Variants in CNTNAP4 observed in about 807,000 individuals in gnomAD.
CNTNAP4 encodes the protein contactin associated protein family member 4, also known as contactin-associated protein-like 4.
In CNTNAP4, 98 loss-of-function variants were observed where a neutral mutation model predicts 148.4. That is an observed-to-expected ratio of 0.66 (90% CI 0.56 to 0.78). The LOEUF is 0.78. Among genes scored for constraint, CNTNAP4 ranks in the 30% least tolerant of loss-of-function variants. The probability of loss-of-function intolerance (pLI) is 0.00; values close to 1 mark genes in which losing one functional copy is unlikely to be tolerated. For synonymous variants in CNTNAP4, 730 were observed against 565.1 expected, an observed-to-expected ratio of 1.29 and a Z score of -4.14; for missense variants, 1,935 against 1,565.6, an observed-to-expected ratio of 1.24 and a Z score of -3.98.
chr16:76,336,963 A>C (rs577075387), intron 2 of CNTNAP4, among the ~76,000 whole-genome samples: 7 of 152,340 alleles, frequency 4.6e-5, no homozygotes, highest in South Asian at 4.1e-4. Flanking sequence ...AGTTAAATCA[A>C]CTTGCTTTGG....
At chr16:76,307,829 C>T (rs548075641) in intron 1 of CNTNAP4, among the ~76,000 whole-genome samples, 5 of 152,146 alleles carry the variant, frequency 3.3e-5, no homozygotes, top group Non-Finnish European at 7.4e-5. Flanking sequence ...AGTTAACTGC[C>T]TTCCCATTAA....
chr16:76,550,171 G>A (rs1453434362), intron 21 of CNTNAP4, among the ~76,000 whole-genome samples: 3 of 152,084 alleles, frequency 2.0e-5, no homozygotes, highest in Non-Finnish European at 4.4e-5. Context: ...ATCCATCAGG[G>A]TAATTTTCTG....
At chr16:76,546,424 C>G (rs2084737376) in intron 21 of CNTNAP4, among the ~76,000 whole-genome samples, 1 of 152,130 alleles carries the variant, frequency 6.6e-6, no homozygotes, top group Admixed American at 6.5e-5. Flanking sequence ...GCATTAGATT[C>G]TCACAGGAGT....
chr16:76,538,015 C>G lies in CNTNAP4; in HGVS notation c.2996-101C>G, dbSNP rs2084284414. On this transcript the variant is annotated intron_variant, in intron 18 of 23. Transcript: ENST00000611870. ...TCTATTTTGGGGTTGGTTCTTCTAT[C>G]TATGCAATTCATTAAAGAAACTAAA... The G allele has an allele frequency of 8.9e-6, 4 of 449,716 alleles. 1 individual carries two copies. In the South Asian group the frequency reaches 3.0e-4, roughly 34 times the overall value. The allele number at this position is 449,716 out of a possible 1,614,324, so 27.9% of individuals were successfully genotyped here.
chr16:76,307,447 TA>T (rs1960591699), intron 1 of CNTNAP4, among the ~76,000 whole-genome samples: 1 of 149,278 alleles, frequency 6.7e-6, no homozygotes, highest in African/African-American at 2.5e-5. Flanking sequence ...TCTTTGGATA[TA>T]TTTTTTAAAA....
Position 76,277,725 on chromosome 16 carries a change from C to G in CNTNAP4, c.63C>G (p.Asn21Lys). 2 of 1,601,654 alleles carry G rather than the reference C, an allele frequency of 1.2e-6. No homozygotes were observed. Among genetic ancestry groups the G allele is most frequent in the Middle Eastern group, 3.3e-4 (2 of 6,048 alleles). Residue 21 changes from asparagine (N) to lysine (K), a missense_variant, in exon 1 of 24, where the codon AAC becomes AAG. By Grantham distance (94) the Asn-to-Lys change is moderately conservative (BLOSUM62 0). Coordinates refer to ENST00000611870, the MANE Select transcript of CNTNAP4 (RefSeq NM_033401.5). Reference sequence around the variant, plus strand: ...TTCTGTTATCTACTCAAAATTGGAACAGAGTCGAAGCTGGGAATTCCTGTA... The same window carrying G: ...TTCTGTTATCTACTCAAAATTGGAAGAGAGTCGAAGCTGGGAATTCCTGTA... ...TLLLLSTQNW[N>K]RVEAGNSYDC...
At chr16:76,452,059 G>GT (rs200276930) in intron 7 of CNTNAP4, among the ~76,000 whole-genome samples, 379 of 138,044 alleles carry the variant, frequency 2.7e-3, no homozygotes, top group Middle Eastern at 3.8e-3. Flanking sequence ...TGGTAAAAAT[G>GT]TTTTTTTTTT....
chr16:76,371,164 GA>G (rs2144627998), intron 3 of CNTNAP4, among the ~76,000 whole-genome samples: 1 of 152,294 alleles, frequency 6.6e-6, no homozygotes, highest in African/African-American at 2.4e-5. Context: ...TTCTATGTGG[GA>G]AAAAATAGCA....
chr16:76,471,575 T>C (rs2081378236), intron 10 of CNTNAP4, among the ~76,000 whole-genome samples: 2 of 152,130 alleles, frequency 1.3e-5, no homozygotes, highest in Non-Finnish European at 2.9e-5. Context: ...CCAGCCTCCA[T>C]GGCACCGTCC....
chr16:76,485,845 T>G (rs2143734670), intron 12 of CNTNAP4, among the ~76,000 whole-genome samples: 1 of 152,350 alleles, frequency 6.6e-6, no homozygotes, highest in South Asian at 2.1e-4. Context: ...AAATGCAGTC[T>G]TATTTACATC....
intron 2 of CNTNAP4, among the ~76,000 whole-genome samples, chr16:76,340,201 A>G (rs867450496): frequency 6.6e-6 from 1 of 152,148 alleles, no homozygotes. Flanking sequence ...CTGGTTATTT[A>G]AGAGGCACGT....
At position 76,560,276 on chromosome 16, in the gene CNTNAP4, T is replaced by C. The variant is rs1271996855; in HGVS notation, c.*1593T>C. 6.6e-6 allele frequency among the ~76,000 whole-genome samples: 1 copy of C among 152,220 alleles called. No homozygotes were observed. The highest frequency in any genetic ancestry group is 2.4e-5 in the African/African-American group (1 of 41,464). On this transcript the variant is annotated 3_prime_UTR_variant, in exon 24 of 24. Coordinates refer to ENST00000611870, the MANE Select transcript of CNTNAP4 (RefSeq NM_033401.5). ...TACTATCATCTTATTTTCTATATTT[T>C]CCTTGTTAACTCTTCTTATAAAACC...
In CNTNAP4 at chr16:76,410,157, C is replaced by T. The variant is rs954207162; in HGVS notation, c.391-17295C>T. Reference sequence around the variant, plus strand: ...TCTCCAGTACAAAAGTTTGGATGAGCATACTTAATTTCTCTTTATGGAAAG... The same window carrying T: ...TCTCCAGTACAAAAGTTTGGATGAGTATACTTAATTTCTCTTTATGGAAAG... On this transcript the variant is annotated intron_variant, in intron 3 of 23. Coordinates refer to ENST00000611870, the MANE Select transcript of CNTNAP4 (RefSeq NM_033401.5). Among the ~76,000 whole-genome samples, 3 of 151,656 alleles carry T rather than the reference C, an allele frequency of 2.0e-5. No individual in the cohort carries two copies. In the Admixed American group the frequency reaches 2.0e-4, roughly 10 times the overall value.
intron 1 of CNTNAP4, among the ~76,000 whole-genome samples, chr16:76,285,717 C>G (rs147254489): frequency 6.6e-6 from 1 of 152,018 alleles, no homozygotes; most frequent in African/African-American, 2.4e-5. Context: ...AAATTATAAC[C>G]TGTAATTTCA....
At chr16:76,556,824 C>T (rs918145574) in intron 23 of CNTNAP4, among the ~76,000 whole-genome samples, 2 of 152,152 alleles carry the variant, frequency 1.3e-5, no homozygotes, top group African/African-American at 2.4e-5. Context: ...TTATATTAAT[C>T]AGCAACGATT....
At chr16:76,388,309 A>T (rs1043552180) in intron 3 of CNTNAP4, among the ~76,000 whole-genome samples, 5 of 152,242 alleles carry the variant, frequency 3.3e-5, no homozygotes, top group Admixed American at 3.3e-4. Flanking sequence ...TGTTTTTCAA[A>T]CATTGGTACC....
In CNTNAP4 at chr16:76,542,936, C is replaced by T. The variant is rs553392902; in HGVS notation, c.3442+2146C>T. Among the ~76,000 whole-genome samples, 16 of 152,246 alleles carry T rather than the reference C, an allele frequency of 1.1e-4. 1 individual carries two copies. In the South Asian group the frequency reaches 3.3e-3, roughly 32 times the overall value. On this transcript the variant is annotated intron_variant, in intron 21 of 23. Coordinates refer to ENST00000611870, the MANE Select transcript of CNTNAP4 (RefSeq NM_033401.5). The stretch of plus-strand genomic sequence containing the variant: ...GAAATATATTCAACATATTATAAAA[C>T]AATTGGGAAGCTGATTTTCATCCTA...
intron 3 of CNTNAP4, among the ~76,000 whole-genome samples, chr16:76,404,932 G>C (rs765014327): frequency 6.6e-6 from 1 of 152,070 alleles, no homozygotes; most frequent in Non-Finnish European, 1.5e-5. Context: ...TCATTAGCTT[G>C]ATTAACTCTT....
intron 2 of CNTNAP4, among the ~76,000 whole-genome samples, chr16:76,318,628 G>A (rs982584662): frequency 1.3e-5 from 2 of 151,098 alleles, no homozygotes; most frequent in Non-Finnish European, 1.5e-5. Context: ...CAGATTTTCA[G>A]TGATTTATTA....
Sources: allele counts gnomAD v4.1 joint callset (sites outside exome capture counted in the v4.1 genomes callset), GRCh38; gene constraint gnomAD v4.1.1; transcripts MANE v1.5; gene names NCBI Gene and HGNC (gene_info 2026-07-23, HGNC 2026-07-21).